Variants in GNB1 observed in about 807,000 individuals in gnomAD.
GNB1 encodes G protein subunit beta 1.
A neutral mutation model predicts 42.9 loss-of-function variants in GNB1; 2 were observed. The ratio of observed to expected loss-of-function variants is 0.05; its 90% CI spans 0.02 to 0.15. GNB1 has a LOEUF of 0.15. Ranked by LOEUF, GNB1 falls within the 10% of genes least tolerant of loss-of-function variation. GNB1 has a pLI of 1.00. For missense variants in GNB1, 193 were observed against 462.2 expected, an observed-to-expected ratio of 0.42 and a Z score of 5.34; for synonymous variants, 183 against 174.7, an observed-to-expected ratio of 1.05 and a Z score of -0.38.
chr1:1,798,983 G>A (rs559887498), intron 7 of GNB1, among the ~76,000 whole-genome samples: 193 of 151,348 alleles, frequency 1.3e-3, no homozygotes, highest in African/African-American at 4.3e-3. Flanking sequence ...GCGGTGGCGC[G>A]ATCTCGGCTC....
At chr1:1,863,959 A>T (rs1473197409) in intron 1 of GNB1, among the ~76,000 whole-genome samples, 1 of 152,150 alleles carries the variant, frequency 6.6e-6, no homozygotes, top group Admixed American at 6.6e-5. Context: ...AAAATTTTGG[A>T]AGGCCAAGGC....
chr1:1,835,900 C>T (rs372920708), intron 2 of GNB1, among the ~76,000 whole-genome samples: 26 of 129,366 alleles, frequency 2.0e-4, no homozygotes, highest in African/African-American at 7.1e-4. Context: ...ACTGAGACCC[C>T]GTCTTACAAG....
At chr1:1,812,425 C>CACAT in intron 5 of GNB1, among the ~76,000 whole-genome samples, 1 of 150,888 alleles carries the variant, frequency 6.6e-6, no homozygotes, top group East Asian at 2.0e-4. Context: ...CACACACACA[C>CACAT]ACACCCTCCC....
intron 1 of GNB1, among the ~76,000 whole-genome samples, chr1:1,854,794 A>G (rs1180698619): frequency 6.6e-6 from 1 of 152,216 alleles, no homozygotes; most frequent in East Asian, 1.9e-4. Flanking sequence ...GCACTTTGGG[A>G]AGCCGAGGTG....
At chr1:1,817,786 T>A (rs1313550373) in intron 4 of GNB1, 51 bp downstream of exon 4, 2 of 1,387,650 alleles carry the variant, frequency 1.4e-6, no homozygotes, top group African/African-American at 2.8e-5. Context: ...GTGGGTGCCG[T>A]GCTAGCCTCC....
intron 1 of GNB1, among the ~76,000 whole-genome samples, chr1:1,851,679 T>C (rs1289049292): frequency 6.6e-6 from 1 of 152,228 alleles, no homozygotes; most frequent in Non-Finnish European, 1.5e-5. Context: ...CACATGAAGA[T>C]GCAAACAGTC....
chr1:1,881,643 G>A (rs776682145), intron 1 of GNB1, among the ~76,000 whole-genome samples: 8 of 152,078 alleles, frequency 5.3e-5, no homozygotes, highest in Non-Finnish European at 8.8e-5. Flanking sequence ...CAAGTGATCC[G>A]CCCGCCCTGG....
Position 1,815,847 on chromosome 1 carries a change from C to G in GNB1, c.112G>C (p.Asp38His). Residue 38 changes from aspartate to histidine, a missense_variant, in exon 5 of 12, where the codon GAC becomes CAC. Asp to His is a moderately conservative substitution (Grantham distance 81). This residue lies in a region of GNB1 where 43 missense variants were observed against 51.5 expected (regional missense o/e 0.84). Transcript: ENST00000378609. ...CGCATTTGGATTCTTCCCACTGGGTCGATGTTGTTTGTGATCTTGAAAATA... is the reference window on the plus strand; with the variant it reads ...CGCATTTGGATTCTTCCCACTGGGTGGATGTTGTTTGTGATCTTGAAAATA... ...ATLSQITNNI[D>H]PVGRIQMRTR... 6.3e-7 allele frequency: 1 copy of G among 1,599,748 alleles called. No homozygotes were observed. Among genetic ancestry groups the G allele is most frequent in the East Asian group, 2.2e-5 (1 of 44,814 alleles).
intron 1 of GNB1, among the ~76,000 whole-genome samples, chr1:1,875,460 T>G (rs1192826389): frequency 2.0e-5 from 3 of 152,190 alleles, no homozygotes; most frequent in Non-Finnish European, 4.4e-5. Flanking sequence ...CCCAAAGTGC[T>G]GGGATTACAG....
intron 1 of GNB1, among the ~76,000 whole-genome samples, chr1:1,846,236 A>G (rs1296906986): frequency 6.6e-6 from 1 of 152,070 alleles, no homozygotes; most frequent in Admixed American, 6.6e-5. Flanking sequence ...GGAAAAGCGA[A>G]GCTCTTCTTT....
chr1:1,834,224 G>T (rs2101090999), intron 2 of GNB1, among the ~76,000 whole-genome samples: 1 of 152,150 alleles, frequency 6.6e-6, no homozygotes, highest in Middle Eastern at 3.4e-3. Context: ...CCAGGGAGGG[G>T]TCTAACAGCC....
chr1:1,863,465 G>A (rs768093764), intron 1 of GNB1, among the ~76,000 whole-genome samples: 1 of 152,182 alleles, frequency 6.6e-6, no homozygotes, highest in Non-Finnish European at 1.5e-5. Flanking sequence ...GTTTGGGAGT[G>A]GGGCAAACAC....
chr1:1,876,533 G>A (rs1649557609), intron 1 of GNB1, among the ~76,000 whole-genome samples: 3 of 151,788 alleles, frequency 2.0e-5, no homozygotes, highest in African/African-American at 7.3e-5. Context: ...GCATGGCCAC[G>A]TGCACGAGCC....
intron 1 of GNB1, among the ~76,000 whole-genome samples, chr1:1,848,488 C>G (rs1647803134): frequency 6.6e-6 from 1 of 152,134 alleles, no homozygotes; most frequent in Non-Finnish European, 1.5e-5. Context: ...CCATCCAAGA[C>G]AGCAAGACCA....
At chr1:1,823,319 G>C (rs372475649) in intron 3 of GNB1, among the ~76,000 whole-genome samples, 3 of 150,418 alleles carry the variant, frequency 2.0e-5, no homozygotes, top group East Asian at 3.9e-4. Context: ...GTAAAGAGCT[G>C]AGAGTGTTCT....
intron 1 of GNB1, among the ~76,000 whole-genome samples, chr1:1,876,492 C>CAAGAGAGA (rs71574350): frequency 6.8e-6 from 1 of 147,832 alleles, no homozygotes; most frequent in African/African-American, 2.5e-5. Context: ...CATGTGCACA[C>CAAGAGAGA]GAGAGAGAGA....
intron 2 of GNB1, among the ~76,000 whole-genome samples, chr1:1,837,914 A>G (rs1337269782): frequency 1.3e-5 from 2 of 151,122 alleles, no homozygotes; most frequent in Non-Finnish European, 2.9e-5. Flanking sequence ...AGAATATCCA[A>G]TTGACTAACC....
At chr1:1,889,561 C>G (rs1318812794) in intron 1 of GNB1, among the ~76,000 whole-genome samples, 4 of 151,700 alleles carry the variant, frequency 2.6e-5, no homozygotes, top group Non-Finnish European at 4.4e-5. Flanking sequence ...CCGCTAATCC[C>G]AGCACTTTGG....
At chr1:1,886,797 C>G (rs973649268) in intron 1 of GNB1, among the ~76,000 whole-genome samples, 4 of 152,226 alleles carry the variant, frequency 2.6e-5, no homozygotes, top group Admixed American at 6.5e-5. Context: ...GCTCCCCCTC[C>G]CGGGTTCCTG....
Sources: allele counts gnomAD v4.1 joint callset (sites outside exome capture counted in the v4.1 genomes callset), GRCh38; gene constraint gnomAD v4.1.1; regional missense constraint gnomAD v4.1.1; transcripts MANE v1.5; gene names NCBI Gene and HGNC (gene_info 2026-07-23, HGNC 2026-07-21).